The following VRK2 variants were observed in gnomAD, a reference collection of about 807,000 sequenced individuals.
VRK2 encodes serine/threonine-protein kinase VRK2.
A neutral mutation model predicts 57.6 loss-of-function variants in VRK2; 60 were observed. The observed-to-expected ratio is 1.04, with a 90% CI of 0.85 to 1.29. The LOEUF (loss-of-function observed/expected upper bound fraction) is 1.29. Ranked by LOEUF, VRK2 falls within the 50% of genes most tolerant of loss-of-function variation. The pLI, the probability that VRK2 is intolerant of heterozygous loss-of-function variation, is 0.00. For missense variants in VRK2, 705 were observed against 588.1 expected (o/e 1.20, Z -2.06); for synonymous variants, 231 against 199.2 (o/e 1.16, Z -1.35).
At chr2:58,077,043 C>T (rs1257923653) in intron 2 of VRK2, among the ~76,000 whole-genome samples, 2 of 151,962 alleles carry the variant, frequency 1.3e-5, no homozygotes, top group African/African-American at 4.8e-5. Flanking sequence ...TGCCAGTTCT[C>T]CTACTAATGT....
chr2:58,107,071 A>G (rs1332518462), intron 7 of VRK2, among the ~76,000 whole-genome samples: 3 of 151,888 alleles, frequency 2.0e-5, no homozygotes, highest in African/African-American at 7.3e-5. Context: ...ATTCTTGTGA[A>G]CATAAACATG....
At chr2:57,942,281 T>C (rs1671122729) in intron 1 of VRK2, among the ~76,000 whole-genome samples, 1 of 152,220 alleles carries the variant, frequency 6.6e-6, no homozygotes, top group Non-Finnish European at 1.5e-5. Flanking sequence ...AGTGAAATAT[T>C]CGTGCCAAAT....
intron 1 of VRK2, among the ~76,000 whole-genome samples, chr2:57,978,107 G>C (rs985416289): frequency 1.3e-5 from 2 of 151,026 alleles, no homozygotes; most frequent in Non-Finnish European, 2.9e-5. Flanking sequence ...TCTACTTTAA[G>C]AGTATTGTTT....
At chr2:58,113,555 G>A (rs1044578310) in intron 7 of VRK2, among the ~76,000 whole-genome samples, 3 of 152,152 alleles carry the variant, frequency 2.0e-5, no homozygotes, top group Non-Finnish European at 4.4e-5. Context: ...AGATAGGGGT[G>A]GGACCGTTTT....
chr2:57,928,223 A>T (rs2312141), intron 1 of VRK2, among the ~76,000 whole-genome samples: 102,543 of 151,866 alleles, frequency 0.68, 35,565 homozygotes, highest in African/African-American at 0.85. Context: ...TTCATTTTTT[A>T]AAATTATTTT....
At chr2:58,000,714 C>G (rs1026141155) in intron 1 of VRK2, among the ~76,000 whole-genome samples, 2 of 152,160 alleles carry the variant, frequency 1.3e-5, no homozygotes, top group Non-Finnish European at 2.9e-5. Context: ...AATGACAAAA[C>G]AGTTGCTCAT....
intron 1 of VRK2, among the ~76,000 whole-genome samples, chr2:57,928,118 T>C (rs2717015): frequency 0.68 from 102,670 of 152,030 alleles, 35,617 homozygotes; most frequent in African/African-American, 0.85. Context: ...AATAAACTTT[T>C]TACTCCTATC....
intron 1 of VRK2, among the ~76,000 whole-genome samples, chr2:57,972,042 G>C (rs1672112894): frequency 6.6e-6 from 1 of 151,788 alleles, no homozygotes; most frequent in Non-Finnish European, 1.5e-5. Context: ...GTTGACCACT[G>C]TAGTTTTTTA....
At chr2:58,047,107 G>T in intron 1 of VRK2, 1 of 483,402 alleles carries the variant, frequency 2.1e-6, no homozygotes, top group Non-Finnish European at 2.7e-6. Flanking sequence ...GCCAAAAGCG[G>T]GTCCGACGTG....
At chr2:58,093,986 A>G (rs1210979320) in intron 7 of VRK2, among the ~76,000 whole-genome samples, 1 of 152,020 alleles carries the variant, frequency 6.6e-6, no homozygotes, top group Non-Finnish European at 1.5e-5. Flanking sequence ...GATGTGTGAT[A>G]TTATTTCTGA....
chr2:58,154,868 A>C, intron 12 of VRK2: 1 of 644,806 alleles, frequency 1.6e-6, no homozygotes, highest in Non-Finnish European at 2.9e-6. Context: ...AAATATTTAT[A>C]CATTTCAATT....
chr2:58,122,494 GA>G (rs1239174177), intron 7 of VRK2, among the ~76,000 whole-genome samples: 1 of 152,190 alleles, frequency 6.6e-6, no homozygotes, highest in Non-Finnish European at 1.5e-5. Context: ...TCATAAGGAA[GA>G]GAAAATATAT....
intron 1 of VRK2, among the ~76,000 whole-genome samples, chr2:57,923,026 T>C (rs995731963): frequency 6.6e-6 from 1 of 152,032 alleles, no homozygotes; most frequent in Non-Finnish European, 1.5e-5. Flanking sequence ...TCCAGTTCCA[T>C]CCATGTTGTT....
chr2:57,918,704 T>C (rs1210174838), intron 1 of VRK2, among the ~76,000 whole-genome samples: 1 of 152,088 alleles, frequency 6.6e-6, no homozygotes, highest in Non-Finnish European at 1.5e-5. Context: ...ATAAAAGACA[T>C]GTTCTCTAGA....
At chr2:57,909,630 G>T (rs1011336048) in intron 1 of VRK2, among the ~76,000 whole-genome samples, 3 of 152,064 alleles carry the variant, frequency 2.0e-5, no homozygotes, top group South Asian at 2.1e-4. Context: ...GGTAAAACTC[G>T]CTGTCAAGAA....
intron 12 of VRK2, among the ~76,000 whole-genome samples, chr2:58,149,440 A>T (rs984374927): frequency 6.6e-6 from 1 of 151,678 alleles, no homozygotes; most frequent in African/African-American, 2.4e-5. Flanking sequence ...TATTTTTTAA[A>T]TAGATTCTTA....
intron 1 of VRK2, among the ~76,000 whole-genome samples, chr2:57,914,308 T>A (rs1383537412): frequency 6.6e-6 from 1 of 151,682 alleles, no homozygotes; most frequent in African/African-American, 2.4e-5. Flanking sequence ...TCTCATAAAA[T>A]GACTACATGA....
chr2:58,082,041 T>G (rs1215438474), intron 2 of VRK2, among the ~76,000 whole-genome samples: 1 of 151,888 alleles, frequency 6.6e-6, no homozygotes, highest in Non-Finnish European at 1.5e-5. Context: ...AGCACCCGTC[T>G]CTAAGAGCTT....
intron 2 of VRK2, among the ~76,000 whole-genome samples, chr2:58,068,825 A>C (rs1178878049): frequency 1.1e-4 from 16 of 151,418 alleles, no homozygotes; most frequent in Middle Eastern, 3.4e-3. Context: ...AAAAAAAAAA[A>C]AAAACAAAAA....
Sources: gnomAD v4.1 joint callset for allele counts (sites outside exome capture counted in the v4.1 genomes callset) on GRCh38, gnomAD v4.1.1 for gene constraint, MANE v1.5 for transcripts, NCBI Gene and HGNC (gene_info 2026-07-23, HGNC 2026-07-21) for gene names.